Variants in ZFHX3 observed in about 807,000 individuals in gnomAD.
ZFHX3 encodes zinc finger homeobox protein 3.
In ZFHX3, 42 loss-of-function variants were observed where a neutral mutation model predicts 279.1. The ratio of observed to expected loss-of-function variants is 0.15; its 90% CI spans 0.12 to 0.19. The LOEUF is 0.19. ZFHX3 is among the 10% of genes least tolerant of loss of function. ZFHX3 has a pLI of 1.00. For synonymous variants in ZFHX3, 2,293 were observed against 1,957.8 expected (o/e 1.17, Z -4.52); for missense variants, 4,981 against 4,754.0 (o/e 1.05, Z -1.40).
intron 5 of ZFHX3, among the ~76,000 whole-genome samples, chr16:73,215,162 G>A (rs2012160195): frequency 6.6e-6 from 1 of 152,172 alleles, no homozygotes; most frequent in Non-Finnish European, 1.5e-5. Context: ...AGTATGTGAT[G>A]TGACAGCATC....
intron 1 of ZFHX3, among the ~76,000 whole-genome samples, chr16:72,970,750 T>G (rs1055701541): frequency 4.6e-5 from 7 of 152,142 alleles, no homozygotes; most frequent in African/African-American, 1.4e-4. Flanking sequence ...CCTCCCAATT[T>G]CCTCAAAGTC....
intron 4 of ZFHX3, among the ~76,000 whole-genome samples, chr16:73,295,014 C>A (rs985475445): frequency 2.6e-5 from 4 of 152,032 alleles, no homozygotes; most frequent in Admixed American, 1.3e-4. Flanking sequence ...GAGATCGAGA[C>A]CATCCTGGCT....
chr16:73,791,251 C>T (rs1959813200), intron 1 of ZFHX3, among the ~76,000 whole-genome samples: 1 of 152,018 alleles, frequency 6.6e-6, no homozygotes, highest in Non-Finnish European at 1.5e-5. Flanking sequence ...AGGCATGAGC[C>T]ACCGTGCCCA....
intron 8 of ZFHX3, among the ~76,000 whole-genome samples, chr16:73,069,868 A>G (rs756752093): frequency 6.6e-6 from 1 of 152,238 alleles, no homozygotes; most frequent in Non-Finnish European, 1.5e-5. Flanking sequence ...AGTGATCTAA[A>G]TGAGATATTT....
At chr16:73,193,658 C>A (rs961103205) in intron 5 of ZFHX3, among the ~76,000 whole-genome samples, 1 of 152,152 alleles carries the variant, frequency 6.6e-6, no homozygotes, top group African/African-American at 2.4e-5. Flanking sequence ...CTGGGAGGAG[C>A]CTTTAGTCAA....
intron 3 of ZFHX3, among the ~76,000 whole-genome samples, chr16:72,922,694 C>T (rs1029196528): frequency 2.0e-5 from 3 of 152,170 alleles, no homozygotes; most frequent in African/African-American, 7.2e-5. Flanking sequence ...TTGAAATTGC[C>T]TTGTGTGATC....
intron 2 of ZFHX3, among the ~76,000 whole-genome samples, chr16:73,672,599 G>T (rs142973008): frequency 1.3e-5 from 2 of 151,766 alleles, no homozygotes; most frequent in African/African-American, 4.8e-5. Context: ...CATAAAAAAT[G>T]ATCATAAAAA....
At chr16:73,413,312 G>C (rs1238882974) in intron 3 of ZFHX3, among the ~76,000 whole-genome samples, 1 of 152,218 alleles carries the variant, frequency 6.6e-6, no homozygotes, top group Non-Finnish European at 1.5e-5. Flanking sequence ...GGAAACTTGG[G>C]AAACAGAGGG....
At chr16:73,672,131 G>A (rs1453870598) in intron 2 of ZFHX3, among the ~76,000 whole-genome samples, 1 of 152,016 alleles carries the variant, frequency 6.6e-6, no homozygotes, top group East Asian at 1.9e-4. Context: ...ATATAAGACA[G>A]ATTCAGATAG....
intron 8 of ZFHX3, among the ~76,000 whole-genome samples, chr16:73,089,229 G>A (rs749338388): frequency 2.6e-5 from 4 of 152,010 alleles, no homozygotes; most frequent in African/African-American, 9.7e-5. Flanking sequence ...TCAGCCTCCC[G>A]AGTAGCTGGG....
rs187747062 is a variant in ZFHX3 at position 73,486,312 on chromosome 16, T to C, written c.-1546-30054A>G. Among the ~76,000 whole-genome samples the C allele has an allele frequency of 9.8e-5, 15 of 152,370 alleles. 1 individual carries two copies. The highest frequency in any genetic ancestry group is 2.6e-4 in the African/African-American group (11 of 41,582). ...AACCAGTGGAAACCTCTAGAGGGTA[T>C]TGAAACACCAGAAAATTCTGTAATG... On this transcript the variant is annotated intron_variant, in intron 2 of 17. Transcript: ENST00000641206.
At chr16:73,229,943 G>A (rs2012720837) in intron 5 of ZFHX3, among the ~76,000 whole-genome samples, 1 of 152,108 alleles carries the variant, frequency 6.6e-6, no homozygotes, top group African/African-American at 2.4e-5. Flanking sequence ...TAACTGATAA[G>A]CAAATGATAG....
chr16:73,322,303 T>C (rs1340577480), intron 3 of ZFHX3, among the ~76,000 whole-genome samples: 2 of 151,744 alleles, frequency 1.3e-5, no homozygotes, highest in East Asian at 3.9e-4. Flanking sequence ...CAGCTTATGA[T>C]ATACTTTTCA....
rs2035260709 is a variant in ZFHX3 at position 72,784,382 on chromosome 16, T to C, written c.*2782A>G. On this transcript the variant is annotated 3_prime_UTR_variant, in exon 10 of 10. Coordinates refer to ENST00000268489, the MANE Select transcript of ZFHX3 (RefSeq NM_006885.4). ...GAAATTGCACTATTACCAAGCAATATCATTTTTAAAAACAACGTTTTCAGA... is the reference window on the plus strand; with the variant it reads ...GAAATTGCACTATTACCAAGCAATACCATTTTTAAAAACAACGTTTTCAGA... The C allele has an allele frequency of 6.6e-6, 1 of 152,500 alleles. No homozygotes were observed. The highest frequency in any genetic ancestry group is 1.5e-5 in the Non-Finnish European group (1 of 68,032). 9.4% of individuals were successfully genotyped at this position (152,500 alleles called of 1,614,324 possible).
At chr16:73,536,240 T>C (rs1243966651) in intron 2 of ZFHX3, among the ~76,000 whole-genome samples, 6 of 152,188 alleles carry the variant, frequency 3.9e-5, no homozygotes, top group South Asian at 2.1e-4. Flanking sequence ...AGTGCATTTA[T>C]GTAAGTCTAA....
At chr16:72,849,084 T>A (rs2037548600) in intron 4 of ZFHX3, among the ~76,000 whole-genome samples, 1 of 152,102 alleles carries the variant, frequency 6.6e-6, no homozygotes, top group Non-Finnish European at 1.5e-5. Flanking sequence ...TGGGGGATGT[T>A]AATTACTTTA....
At chr16:73,854,699 G>A (rs753907593) in intron 1 of ZFHX3, among the ~76,000 whole-genome samples, 16 of 90,600 alleles carry the variant, frequency 1.8e-4, no homozygotes, top group Non-Finnish European at 2.9e-4. Context: ...GAGGTGATGC[G>A]ATAAAGAAAC....
chr16:73,412,310 G>C (rs745848437), intron 3 of ZFHX3, among the ~76,000 whole-genome samples: 4 of 142,046 alleles, frequency 2.8e-5, no homozygotes, highest in Admixed American at 1.5e-4. Context: ...CTGGGCAACA[G>C]AGTGAGAGAC....
At chr16:73,690,103 G>A (rs539267579) in intron 1 of ZFHX3, among the ~76,000 whole-genome samples, 1 of 152,276 alleles carries the variant, frequency 6.6e-6, no homozygotes, top group East Asian at 1.9e-4. Context: ...TTTTAGTAGA[G>A]ATGGGGTTTC....
Sources: gnomAD v4.1 joint callset for allele counts (sites outside exome capture counted in the v4.1 genomes callset) on GRCh38, gnomAD v4.1.1 for gene constraint, MANE v1.5 for transcripts, NCBI Gene and HGNC (gene_info 2026-07-23, HGNC 2026-07-21) for gene names.